MIER2: variants seen among roughly 807,000 people sequenced by gnomAD.
The protein encoded by MIER2 is MIER family member 2.
A neutral mutation model predicts 67.6 loss-of-function variants in MIER2; 30 were observed. The observed-to-expected ratio is 0.44, with a 90% CI of 0.33 to 0.60. The LOEUF is 0.60. Ranked by LOEUF, MIER2 falls within the 20% of genes least tolerant of loss-of-function variation. The pLI is 0.02. For missense variants in MIER2, 702 were observed against 745.1 expected (o/e 0.94, Z 0.67); for synonymous variants, 372 against 312.6 (o/e 1.19, Z -2.00).
intron 1 of MIER2, among the ~76,000 whole-genome samples, chr19:342,973 T>C (rs916567312): frequency 1.3e-5 from 2 of 152,122 alleles, no homozygotes; most frequent in African/African-American, 2.4e-5. Flanking sequence ...CACCTCATAC[T>C]TGTTGGTCCT....
At chr19:334,123 C>G in intron 3 of MIER2, 1 of 349,102 alleles carries the variant, frequency 2.9e-6, no homozygotes, top group Non-Finnish European at 5.3e-6. Context: ...CTGCACCCAG[C>G]CTGAAACTCT....
Position 308,851 on chromosome 19 carries a change from G to C in MIER2, c.1059C>G (p.Phe353Leu). The C allele has an allele frequency of 6.2e-7, 1 of 1,611,036 alleles. No homozygotes were observed. Among genetic ancestry groups the C allele is most frequent in the Non-Finnish European group, 8.5e-7 (1 of 1,178,032 alleles). ...TCCGGCCCAGCCGCGTCTGCTGGGCGAAGTAGTCGTAGCGCTCCGACTTCT... is the reference window on the plus strand; with the variant it reads ...TCCGGCCCAGCCGCGTCTGCTGGGCCAAGTAGTCGTAGCGCTCCGACTTCT... ...LWKKSERYDYFAQQTRLGRRK... is the reference protein window; with the variant it reads ...LWKKSERYDYLAQQTRLGRRK... Residue 353 changes from phenylalanine to leucine, a missense_variant, in exon 11 of 14, where the codon TTC (phenylalanine) becomes TTG (leucine). Physicochemically the swap from Phe to Leu is conservative, Grantham distance 22. This residue lies in a region of MIER2 where 128 missense variants were observed against 189.7 expected (regional missense o/e 0.67). Coordinates refer to ENST00000264819, the MANE Select transcript of MIER2 (RefSeq NM_017550.3). The surrounding 1 kb of genome is among the most constrained non-coding windows in gnomAD (Gnocchi z 9.1).
intron 1 of MIER2, chr19:344,244 C>T: frequency 1.0e-6 from 1 of 985,360 alleles, no homozygotes; most frequent in Non-Finnish European, 1.2e-6. Flanking sequence ...GAGTTCAAAT[C>T]CCGCCCGGGG....
At chr19:342,391 G>A (rs1413577723) in intron 1 of MIER2, among the ~76,000 whole-genome samples, 1 of 151,962 alleles carries the variant, frequency 6.6e-6, no homozygotes, top group Non-Finnish European at 1.5e-5. Flanking sequence ...GGGGGCCTCA[G>A]TCGAGGTGGA....
At chr19:340,965 C>T (rs1972475023) in intron 1 of MIER2, among the ~76,000 whole-genome samples, 2 of 152,212 alleles carry the variant, frequency 1.3e-5, no homozygotes, top group Non-Finnish European at 1.5e-5. Flanking sequence ...GGGCATCTCA[C>T]GCCTCCTGCC....
Position 306,464 on chromosome 19 carries a change from G to A in MIER2, c.*226C>T. 1.6e-6 allele frequency: 1 copy of A among 638,138 alleles called. No individual in the cohort carries two copies. Among genetic ancestry groups the A allele is most frequent in the Non-Finnish European group, 2.7e-6 (1 of 372,072 alleles). The allele number at this position is 638,138 out of a possible 1,614,324, so 39.5% of individuals were successfully genotyped here. A position where few individuals can be genotyped will look rare whatever the true frequency, so the allele number is the denominator to read the frequency against. On this transcript the variant is annotated 3_prime_UTR_variant, in exon 14 of 14. Coordinates refer to ENST00000264819, the MANE Select transcript of MIER2 (RefSeq NM_017550.3). Reference sequence around the variant, plus strand: ...CAGCGGCCCGGACCCGGGTGGCAGTGCCGGGCGCTGACGGCGCTGGGTGGG... The same window carrying A: ...CAGCGGCCCGGACCCGGGTGGCAGTACCGGGCGCTGACGGCGCTGGGTGGG...
rs568260660 is a variant in MIER2, at chr19:313,744, G to A, written c.656-101C>T. The A allele has an allele frequency of 4.1e-6, 6 of 1,467,894 alleles. No homozygotes were observed. In the East Asian group the frequency reaches 9.2e-5, roughly 22 times the overall value. 90.9% of individuals were successfully genotyped at this position (1,467,894 alleles called of 1,614,324 possible). A position where few individuals can be genotyped will look rare whatever the true frequency, so the allele number is the denominator to read the frequency against. ...CCAACTCAGCCCCTGACAGGGAGGA[G>A]GCACTGTCCGTCCTCCCTTTCCCAA... is the stretch of plus-strand genomic sequence containing the variant. On this transcript the variant is annotated intron_variant, in intron 7 of 13. Transcript: ENST00000264819.
intron 1 of MIER2, among the ~76,000 whole-genome samples, chr19:339,332 G>A (rs1367921391): frequency 6.6e-6 from 1 of 152,096 alleles, no homozygotes; most frequent in Non-Finnish European, 1.5e-5. Flanking sequence ...CAGACAAATG[G>A]CCAATAAGCA....
At chr19:341,340 G>A (rs2145571992) in intron 1 of MIER2, among the ~76,000 whole-genome samples, 1 of 152,282 alleles carries the variant, frequency 6.6e-6, no homozygotes, top group East Asian at 1.9e-4. Context: ...TTAACATATG[G>A]CCCCAGGAGA....
At chr19:343,976 G>A (rs1972623474) in intron 1 of MIER2, 1 of 985,400 alleles carries the variant, frequency 1.0e-6, no homozygotes, top group South Asian at 4.7e-5. Context: ...GTCCTAGGTG[G>A]GTTTGATCAA....
In MIER2 at chr19:325,619, C is replaced by T; in HGVS notation, c.655+16G>A. The stretch of plus-strand genomic sequence containing the variant: ...GCAGAAGTGGGTTTCGCCTCCTCTC[C>T]CCAGGCCCTACTTACTCTTCTCACA... On this transcript the variant is annotated intron_variant, in intron 7 of 13. Transcript: ENST00000264819. 1 of 1,614,184 alleles carries T rather than the reference C, an allele frequency of 6.2e-7. No homozygotes were observed. The highest frequency in any genetic ancestry group is 8.5e-7 in the Non-Finnish European group (1 of 1,180,012).
At chr19:343,583 G>GC (rs1972599797) in intron 1 of MIER2, among the ~76,000 whole-genome samples, 1 of 152,160 alleles carries the variant, frequency 6.6e-6, no homozygotes, top group Non-Finnish European at 1.5e-5. Flanking sequence ...CTCCCACAAC[G>GC]CCCAAGACAT....
chr19:338,613 C>T lies in MIER2; in HGVS notation c.10-2440G>A, dbSNP rs1055038695. 4.6e-5 allele frequency among the ~76,000 whole-genome samples: 7 copies of T among 152,194 alleles called. No individual in the cohort carries two copies. The East Asian group carries it at 1.3e-3, about 29-fold the overall frequency. On this transcript the variant is annotated intron_variant, in intron 1 of 13. Coordinates refer to ENST00000264819, the MANE Select transcript of MIER2 (RefSeq NM_017550.3). ...ATATGGAAGCTCAAGGTACCCCAAA[C>T]AGCCCAAACAATCTTGAAACAATAC...
At position 317,383 on chromosome 19, in the gene MIER2, C is replaced by T. The variant is rs543698956; in HGVS notation, c.656-3740G>A. On this transcript the variant is annotated intron_variant, in intron 7 of 13. Coordinates refer to ENST00000264819, the MANE Select transcript of MIER2 (RefSeq NM_017550.3). ...TCTACTAAAAATACAAAACATTAGCCGGGAGTCATGGCGGGTGCCTGTAGT... is the reference window on the plus strand; with the variant it reads ...TCTACTAAAAATACAAAACATTAGCTGGGAGTCATGGCGGGTGCCTGTAGT... 7.9e-5 allele frequency among the ~76,000 whole-genome samples: 12 copies of T among 151,824 alleles called. No individual in the cohort carries two copies. In the South Asian group the frequency reaches 8.3e-4, roughly 11 times the overall value.
At chr19:320,236 C>T (rs895837308) in intron 7 of MIER2, among the ~76,000 whole-genome samples, 13 of 151,798 alleles carry the variant, frequency 8.6e-5, no homozygotes, top group Admixed American at 2.0e-4. Context: ...AAAAATTAGC[C>T]GGCGTGCAGT....
At chr19:314,994 T>C (rs7248961) in intron 7 of MIER2, among the ~76,000 whole-genome samples, 1,871 of 151,794 alleles carry the variant, frequency 0.012, 48 homozygotes, top group African/African-American at 0.042. Context: ...GCCCAGGAGG[T>C]CGAGGTTGCA....
intron 1 of MIER2, among the ~76,000 whole-genome samples, chr19:342,867 G>A (rs1334110721): frequency 1.3e-5 from 2 of 151,870 alleles, no homozygotes; most frequent in African/African-American, 4.8e-5. Context: ...TTTCAGAGAT[G>A]AGGAAAAGGA....
chr19:342,680 A>G (rs1186839402), intron 1 of MIER2, among the ~76,000 whole-genome samples: 1 of 151,180 alleles, frequency 6.6e-6, no homozygotes, highest in African/African-American at 2.4e-5. Context: ...TGGGATACTG[A>G]TACAGAATAA....
In MIER2 at chr19:306,564, T is replaced by C; in HGVS notation, c.*126A>G. On this transcript the variant is annotated 3_prime_UTR_variant, in exon 14 of 14. Coordinates refer to ENST00000264819, the MANE Select transcript of MIER2 (RefSeq NM_017550.3). ...ACCTCACCCCAGTCCTGACGTGTTC[T>C]GAAGCAGAAGGAGGTGCTACCCCAA... The C allele has an allele frequency of 7.7e-7, 1 of 1,295,232 alleles. No individual in the cohort carries two copies. Among genetic ancestry groups the C allele is most frequent in the Non-Finnish European group, 1.1e-6 (1 of 925,002 alleles). 80.2% of individuals were successfully genotyped at this position (1,295,232 alleles called of 1,614,324 possible). A position where few individuals can be genotyped will look rare whatever the true frequency, so the allele number is the denominator to read the frequency against.
Sources: gnomAD v4.1 joint callset for allele counts (sites outside exome capture counted in the v4.1 genomes callset) on GRCh38, gnomAD v4.1.1 for gene constraint, gnomAD v4.1.1 regional missense constraint, Gnocchi (gnomAD v3.1) non-coding constraint, MANE v1.5 for transcripts, NCBI Gene and HGNC (gene_info 2026-07-23, HGNC 2026-07-21) for gene names.